CTNNA3: variants seen among roughly 807,000 people sequenced by gnomAD.
The protein encoded by CTNNA3 is catenin alpha-3.
A neutral mutation model predicts 95.7 loss-of-function variants in CTNNA3; 76 were observed. The ratio of observed to expected loss-of-function variants is 0.79; its 90% confidence interval spans 0.66 to 0.96. The LOEUF is 0.96. Among genes scored for constraint, CTNNA3 ranks in the 40% least tolerant of loss-of-function variants. The pLI is 0.00. For synonymous variants in CTNNA3, 431 were observed against 374.4 expected (o/e 1.15, Z -1.74); for missense variants, 1,191 against 1,089.8 (o/e 1.09, Z -1.31).
chr10:67,155,125 G>C (rs564434818), intron 7 of CTNNA3, among the ~76,000 whole-genome samples: 4 of 152,154 alleles, frequency 2.6e-5, no homozygotes, highest in African/African-American at 4.8e-5. Context: ...TAGGCTGTTG[G>C]CTTCCCAAGA....
intron 7 of CTNNA3, among the ~76,000 whole-genome samples, chr10:67,020,507 A>G (rs189394101): frequency 4.1e-4 from 62 of 152,288 alleles, no homozygotes; most frequent in Non-Finnish European, 7.4e-4. Context: ...TATCCCCTCT[A>G]TAAGTTTCAC....
At chr10:66,020,160 C>T (rs886391498) in intron 15 of CTNNA3, among the ~76,000 whole-genome samples, 1 of 152,058 alleles carries the variant, frequency 6.6e-6, no homozygotes, top group African/African-American at 2.4e-5. Flanking sequence ...AAACAAATTC[C>T]ATTATCATTT....
intron 7 of CTNNA3, among the ~76,000 whole-genome samples, chr10:66,913,002 G>A (rs1207356332): frequency 1.3e-5 from 2 of 152,034 alleles, no homozygotes; most frequent in African/African-American, 4.8e-5. Context: ...CACTTTGGGA[G>A]GCCGAGGCGG....
intron 5 of CTNNA3, among the ~76,000 whole-genome samples, chr10:67,349,817 G>T (rs1842565475): frequency 6.6e-6 from 1 of 152,092 alleles, no homozygotes. Flanking sequence ...TCCAACCTCA[G>T]CCTAGAGCTC....
intron 7 of CTNNA3, among the ~76,000 whole-genome samples, chr10:67,160,993 G>A (rs1436460983): frequency 1.3e-5 from 2 of 152,254 alleles, no homozygotes; most frequent in South Asian, 4.1e-4. Flanking sequence ...ACACAGAGAA[G>A]CAGAGGGTAG....
At position 66,677,362 on chromosome 10, in the gene CTNNA3, A is replaced by T. The variant is rs116258212; in HGVS notation, c.1282-55578T>A. 1.6e-3 allele frequency among the ~76,000 whole-genome samples: 242 copies of T among 151,458 alleles called. 1 individual carries two copies. Among genetic ancestry groups the T allele is most frequent in the African/African-American group, 5.6e-3 (229 of 41,140 alleles). ...ACCACCTCCTTTTAAAAATCATACA[A>T]AAATGAAATAAAAAATAATTTTATA... On this transcript the variant is annotated intron_variant, in intron 9 of 17. Coordinates refer to ENST00000433211, the MANE Select transcript of CTNNA3 (RefSeq NM_013266.4).
intron 5 of CTNNA3, among the ~76,000 whole-genome samples, chr10:67,261,737 T>C (rs777964902): frequency 6.6e-6 from 1 of 152,330 alleles, no homozygotes; most frequent in East Asian, 1.9e-4. Flanking sequence ...CTATTTACTA[T>C]AAAATCTCAA....
chr10:66,120,581 A>G (rs10996915), intron 13 of CTNNA3, among the ~76,000 whole-genome samples: 27,398 of 152,108 alleles, frequency 0.18, 2,752 homozygotes, highest in South Asian at 0.38. Flanking sequence ...AGTAAGTTAT[A>G]TGAAAATTTT....
intron 7 of CTNNA3, among the ~76,000 whole-genome samples, chr10:66,931,847 T>C (rs1490811972): frequency 6.6e-6 from 1 of 152,228 alleles, no homozygotes; most frequent in African/African-American, 2.4e-5. Context: ...AGAAATATTT[T>C]AGAGTGCTTA....
At chr10:66,936,810 G>A (rs545953687) in intron 7 of CTNNA3, among the ~76,000 whole-genome samples, 9 of 152,210 alleles carry the variant, frequency 5.9e-5, no homozygotes, top group African/African-American at 2.2e-4. Context: ...TCAAATATCT[G>A]CTCCCAGAGT....
At chr10:67,695,778 G>C (rs369806714) in intron 1 of CTNNA3, among the ~76,000 whole-genome samples, 2 of 152,054 alleles carry the variant, frequency 1.3e-5, no homozygotes, top group South Asian at 2.1e-4. Context: ...GCTTCCCCTG[G>C]CAATAGTTCG....
intron 7 of CTNNA3, among the ~76,000 whole-genome samples, chr10:66,934,315 T>G (rs1847572095): frequency 6.6e-6 from 1 of 152,258 alleles, no homozygotes; most frequent in South Asian, 2.1e-4. Context: ...GGATTCTCAT[T>G]TATCCTTTCT....
intron 17 of CTNNA3, among the ~76,000 whole-genome samples, chr10:65,958,083 C>T (rs2077769048): frequency 6.8e-6 from 1 of 147,444 alleles, no homozygotes; most frequent in East Asian, 2.0e-4. Context: ...TTATTTGTTT[C>T]TTTTTACTCT....
At chr10:66,502,230 G>T (rs10997198) in intron 11 of CTNNA3, among the ~76,000 whole-genome samples, 2 of 152,026 alleles carry the variant, frequency 1.3e-5, no homozygotes, top group African/African-American at 4.8e-5. Context: ...AAGAATATAG[G>T]ATAATCACAA....
intron 5 of CTNNA3, among the ~76,000 whole-genome samples, chr10:67,402,639 C>A (rs1844966645): frequency 6.6e-6 from 1 of 152,152 alleles, no homozygotes; most frequent in South Asian, 2.1e-4. Context: ...GAACCCCCAC[C>A]CCAGCCAAGG....
chr10:67,371,087 C>T (rs1466455411), intron 5 of CTNNA3, among the ~76,000 whole-genome samples: 3 of 151,428 alleles, frequency 2.0e-5, no homozygotes, highest in African/African-American at 4.8e-5. Context: ...TGGATGGTCT[C>T]GATCTCCTGA....
intron 1 of CTNNA3, among the ~76,000 whole-genome samples, chr10:67,664,211 A>G (rs530125872): frequency 6.6e-6 from 1 of 152,324 alleles, no homozygotes; most frequent in Admixed American, 6.5e-5. Context: ...TCTATTATGT[A>G]GATATTTTAT....
intron 10 of CTNNA3, among the ~76,000 whole-genome samples, chr10:66,605,547 G>T (rs902165488): frequency 2.0e-5 from 3 of 152,074 alleles, no homozygotes; most frequent in Admixed American, 6.6e-5. Flanking sequence ...AAATGTTAAA[G>T]CTGCTAGAGA....
intron 14 of CTNNA3, among the ~76,000 whole-genome samples, chr10:66,094,440 A>C (rs1462110740): frequency 6.6e-6 from 1 of 152,074 alleles, no homozygotes; most frequent in African/African-American, 2.4e-5. Flanking sequence ...ATATCACAGG[A>C]GCTTAAGTAT....
Sources: gnomAD v4.1 joint callset for allele counts (sites outside exome capture counted in the v4.1 genomes callset) on GRCh38, gnomAD v4.1.1 for gene constraint, MANE v1.5 for transcripts, NCBI Gene and HGNC (gene_info 2026-07-23, HGNC 2026-07-21) for gene names.